CPS1: variants seen among roughly 807,000 people sequenced by gnomAD.
CPS1 encodes the protein carbamoyl-phosphate synthase 1, also known as carbamoyl-phosphate synthase [ammonia], mitochondrial.
A neutral mutation model predicts 174.6 loss-of-function variants in CPS1; 109 were observed. That is an observed-to-expected ratio of 0.62 (90% CI 0.53 to 0.73). The LOEUF (loss-of-function observed/expected upper bound fraction) is 0.73. Among genes scored for constraint, CPS1 ranks in the 30% least tolerant of loss-of-function variants. The probability of loss-of-function intolerance (pLI) is 0.00; values close to 1 mark genes in which losing one functional copy is unlikely to be tolerated. For synonymous variants in CPS1, 637 were observed against 632.0 expected (o/e 1.01, Z -0.12); for missense variants, 1,689 against 1,821.9 (o/e 0.93, Z 1.33).
chr2:210,619,250 T>C (rs1183322432), intron 21 of CPS1: 3 of 152,118 alleles, frequency 2.0e-5, no homozygotes, highest in Non-Finnish European at 4.4e-5. Flanking sequence ...GAGCCAGAGA[T>C]TGGTGCGCAG....
In CPS1 at chr2:210,533,557, T is replaced by G. The variant is rs1201393398; in HGVS notation, c.4-23162T>G. Among the ~76,000 whole-genome samples the G allele has an allele frequency of 4.6e-5, 7 of 152,286 alleles. No individual in the cohort carries two copies. In the South Asian group the frequency reaches 1.5e-3, roughly 32 times the overall value. On this transcript the variant is annotated intron_variant, in intron 1 of 38. Coordinates refer to the CPS1 transcript ENST00000430249. ...CCAGGAAGTCAGGCTCTCGAGTCTG[T>G]GTTCTCCGGTACAAGCTTCACAAAG... is the stretch of plus-strand genomic sequence containing the variant.
At chr2:210,651,771 A>G (rs1700566430) in intron 28 of CPS1, among the ~76,000 whole-genome samples, 1 of 152,008 alleles carries the variant, frequency 6.6e-6, no homozygotes, top group Admixed American at 6.5e-5. Flanking sequence ...GGGATACTGA[A>G]TTCAATGACT....
chr2:210,483,054 A>G (rs1694619204), intron 1 of CPS1, among the ~76,000 whole-genome samples: 1 of 152,222 alleles, frequency 6.6e-6, no homozygotes, highest in African/African-American at 2.4e-5. Flanking sequence ...TTTTTAAGTT[A>G]TAAAAGTTTA....
Position 210,573,312 on chromosome 2 carries a change from C to T in CPS1, c.141C>T (p.His47=), listed in dbSNP as rs2106073214. The change falls in exon 2 of 38, where the codon CAC becomes CAT. Residue 47 remains histidine, a synonymous_variant. Coordinates refer to ENST00000233072, the MANE Select transcript of CPS1 (RefSeq NM_001875.5). The part of the protein sequence containing the change: ...RLLSVKAQTA[H]IVLEDGTKMK... ...TGTTTCTTCAGGCACAGACAGCACACATTGTCCTGGAAGATGGAACTAAGA... is the reference window on the plus strand; with the variant it reads ...TGTTTCTTCAGGCACAGACAGCACATATTGTCCTGGAAGATGGAACTAAGA... 1 of 1,612,814 alleles carries T rather than the reference C, an allele frequency of 6.2e-7. No individual in the cohort carries two copies. The highest frequency in any genetic ancestry group is 1.1e-5 in the South Asian group (1 of 91,064).
At chr2:210,517,591 C>G (rs1356465415) in intron 1 of CPS1, among the ~76,000 whole-genome samples, 1 of 151,892 alleles carries the variant, frequency 6.6e-6, no homozygotes. Context: ...TCAGGAGCCT[C>G]CACAGAACCC....
chr2:210,555,985 A>G (rs1472495766), upstream of CPS1, among the ~76,000 whole-genome samples: 1 of 152,096 alleles, frequency 6.6e-6, no homozygotes, highest in Non-Finnish European at 1.5e-5. Context: ...TAAGAGGGAT[A>G]TAATAGTCCA....
At chr2:210,638,697 C>A (rs572485112) in intron 22 of CPS1, among the ~76,000 whole-genome samples, 2 of 152,284 alleles carry the variant, frequency 1.3e-5, no homozygotes, top group East Asian at 3.9e-4. Context: ...CCCCGTTCAT[C>A]CCCTATGGCT....
intron 1 of CPS1, among the ~76,000 whole-genome samples, chr2:210,513,990 T>C (rs1482501187): frequency 2.6e-5 from 4 of 151,646 alleles, no homozygotes; most frequent in Admixed American, 1.3e-4. Flanking sequence ...AAAGATCAGA[T>C]GGCTGTACGT....
intron 13 of CPS1, among the ~76,000 whole-genome samples, chr2:210,595,961 G>T (rs1348849135): frequency 6.6e-6 from 1 of 151,864 alleles, no homozygotes; most frequent in Non-Finnish European, 1.5e-5. Flanking sequence ...TATTTCAAGT[G>T]CTCTACAGGA....
chr2:210,501,255 G>A (rs186329783), intron 1 of CPS1, among the ~76,000 whole-genome samples: 1 of 152,152 alleles, frequency 6.6e-6, no homozygotes, highest in Admixed American at 6.5e-5. Context: ...CATACCCTGG[G>A]GACATTTTCC....
rs558161568 is a variant in CPS1 at position 210,494,047 on chromosome 2, C to A, written c.3+16281C>A. The stretch of plus-strand genomic sequence containing the variant: ...AACCAGAATTAAACCTAATCTAAAC[C>A]CAAGCCATAGCAACAGAGTATCGAG... On this transcript the variant is annotated intron_variant, in intron 1 of 38. Transcript: ENST00000430249. Among the ~76,000 whole-genome samples the A allele has an allele frequency of 6.7e-4, 102 of 152,204 alleles. No individual in the cohort carries two copies. The South Asian group carries it at 0.02, about 29-fold the overall frequency.
At chr2:210,531,853 A>G (rs1449536397) in intron 1 of CPS1, among the ~76,000 whole-genome samples, 4 of 152,108 alleles carry the variant, frequency 2.6e-5, no homozygotes, top group Admixed American at 6.6e-5. Context: ...GGTTTTCTAG[A>G]CTGCATTATT....
chr2:210,593,009 G>A (rs1286019360), intron 11 of CPS1, 53 bp downstream of exon 11: 12 of 1,520,776 alleles, frequency 7.9e-6, no homozygotes, highest in South Asian at 1.1e-5. Flanking sequence ...ATGTATTTGT[G>A]TGGAAATTCG....
intron 1 of CPS1, among the ~76,000 whole-genome samples, chr2:210,550,056 C>T (rs556919265): frequency 1.4e-4 from 21 of 152,044 alleles, no homozygotes; most frequent in African/African-American, 4.6e-4. Context: ...CAGCTAGAAA[C>T]GTGGCTCACA....
Position 210,675,778 on chromosome 2 carries a change from TG to T in CPS1, c.4213del (p.Ala1405ProfsTer22). 6.2e-7 allele frequency: 1 copy of T among 1,611,584 alleles called. No individual in the cohort carries two copies. The highest frequency in any genetic ancestry group is 1.1e-5 in the South Asian group (1 of 91,042). On this transcript the variant is annotated frameshift_variant, in exon 36 of 38. Transcript: ENST00000233072. LOFTEE classifies it high-confidence loss of function. ...SDWLNANNVPATPVAWPSQEG... is the reference protein window; with the variant it reads ...SDWLNANNVPXTPVAWPSQEG... ...ACTGGCTCAACGCCAACAATGTCCCTGCCACCCCAGTGGCATGGCCGTCTCA... is the reference window on the plus strand; with the variant it reads ...ACTGGCTCAACGCCAACAATGTCCCTCCACCCCAGTGGCATGGCCGTCTCA...
intron 33 of CPS1, among the ~76,000 whole-genome samples, chr2:210,665,770 G>A (rs1314206915): frequency 5.3e-5 from 8 of 149,742 alleles, no homozygotes; most frequent in Admixed American, 4.7e-4. Context: ...ATTGTGAATA[G>A]TGCCGTAATA....
chr2:210,600,167 A>G (rs926455767), intron 14 of CPS1, among the ~76,000 whole-genome samples: 4 of 151,888 alleles, frequency 2.6e-5, no homozygotes, highest in Admixed American at 1.3e-4. Context: ...GGAAACACAA[A>G]CCATTTTGAG....
At chr2:210,643,438 C>G (rs1700286189) in intron 25 of CPS1, among the ~76,000 whole-genome samples, 1 of 151,898 alleles carries the variant, frequency 6.6e-6, no homozygotes, top group Non-Finnish European at 1.5e-5. Context: ...AAAATATGGT[C>G]AATTAGAAGG....
intron 1 of CPS1, among the ~76,000 whole-genome samples, chr2:210,543,041 C>T (rs1033840949): frequency 5.3e-5 from 8 of 152,024 alleles, no homozygotes; most frequent in Admixed American, 4.6e-4. Context: ...ACTCCTTAAT[C>T]GGGGTTAGTC....
Sources: gnomAD v4.1 joint callset for allele counts (sites outside exome capture counted in the v4.1 genomes callset) on GRCh38, gnomAD v4.1.1 for gene constraint, MANE v1.5 for transcripts, NCBI Gene and HGNC (gene_info 2026-07-23, HGNC 2026-07-21) for gene names.